ADGRB3: variants seen among roughly 807,000 people sequenced by gnomAD.
ADGRB3 encodes brain-specific angiogenesis inhibitor 3.
In ADGRB3, 37 loss-of-function variants were observed where a neutral mutation model predicts 193.4. The observed-to-expected ratio is 0.19, with a 90% CI of 0.15 to 0.25. ADGRB3 has a LOEUF of 0.25. ADGRB3 is among the 10% of genes least tolerant of loss of function. ADGRB3 has a pLI of 1.00. For missense variants in ADGRB3, 1,637 were observed against 1,852.9 expected (o/e 0.88, Z 2.14); for synonymous variants, 690 against 644.2 (o/e 1.07, Z -1.08).
Position 68,953,362 on chromosome 6 carries a change from G to A in ADGRB3, c.1196-2662G>A, listed in dbSNP as rs903819599. ...TTAATGTGCTGCTTTCTTTCTGAAT[G>A]TTCTCAATAATGTGGATAACTGTAC... On this transcript the variant is annotated intron_variant, in intron 6 of 31. Transcript: ENST00000370598. 3.9e-5 allele frequency among the ~76,000 whole-genome samples: 6 copies of A among 152,248 alleles called. No individual in the cohort carries two copies. The South Asian group carries it at 1.2e-3, about 32-fold the overall frequency.
At chr6:68,702,279 T>G (rs1358041064) in intron 3 of ADGRB3, among the ~76,000 whole-genome samples, 1 of 151,810 alleles carries the variant, frequency 6.6e-6, no homozygotes, top group East Asian at 1.9e-4. Context: ...ATCTCATAAG[T>G]CACTCACTTT....
chr6:69,210,500 G>C (rs1169559613), intron 17 of ADGRB3, among the ~76,000 whole-genome samples: 2 of 152,028 alleles, frequency 1.3e-5, no homozygotes, highest in Non-Finnish European at 2.9e-5. Context: ...GACACATCCA[G>C]GATCACTACT....
chr6:68,961,977 G>C (rs1422365406), intron 8 of ADGRB3, among the ~76,000 whole-genome samples: 1 of 152,128 alleles, frequency 6.6e-6, no homozygotes, highest in Non-Finnish European at 1.5e-5. Flanking sequence ...AAAGGTTAAA[G>C]CAAGTTTTGA....
At chr6:69,359,763 G>A (rs1351384392) in intron 28 of ADGRB3, among the ~76,000 whole-genome samples, 2 of 152,014 alleles carry the variant, frequency 1.3e-5, no homozygotes, top group South Asian at 4.1e-4. Context: ...TTTAAATGAT[G>A]ATTGCTCTAC....
At position 68,730,686 on chromosome 6, in the gene ADGRB3, G is replaced by A. The variant is rs114181394; in HGVS notation, c.757+91254G>A. ...AGCAGAATAAAAGGAAACCAAAGAC[G>A]GTAAAACTCAAGAGTCAATTCCATA... On this transcript the variant is annotated intron_variant, in intron 3 of 31. Transcript: ENST00000370598. Among the ~76,000 whole-genome samples the A allele has an allele frequency of 2.9e-3, 437 of 151,556 alleles. 3 individuals carry two copies. The highest frequency in any genetic ancestry group is 0.01 in the African/African-American group (421 of 41,422).
chr6:69,314,890 G>A (rs1768279891), intron 20 of ADGRB3, among the ~76,000 whole-genome samples: 1 of 151,378 alleles, frequency 6.6e-6, no homozygotes, highest in Admixed American at 6.6e-5. Context: ...ATGCCTATTG[G>A]TTTTAGTGAC....
intron 13 of ADGRB3, among the ~76,000 whole-genome samples, chr6:69,035,349 T>C (rs1438956868): frequency 8.8e-6 from 1 of 113,732 alleles, no homozygotes; most frequent in Non-Finnish European, 1.8e-5. Flanking sequence ...ATAGGACCTA[T>C]GGGTTTTTTG....
intron 15 of ADGRB3, among the ~76,000 whole-genome samples, chr6:69,061,335 T>G (rs1771744171): frequency 6.6e-6 from 1 of 151,928 alleles, no homozygotes; most frequent in East Asian, 1.9e-4. Flanking sequence ...TCCGCATTTT[T>G]TTCTGATGAA....
At chr6:69,238,462 G>A (rs1766318098) in intron 19 of ADGRB3, among the ~76,000 whole-genome samples, 1 of 151,954 alleles carries the variant, frequency 6.6e-6, no homozygotes, top group Admixed American at 6.6e-5. Flanking sequence ...GGTAAAATAT[G>A]GCAGATGTCA....
rs754898402 is a variant in ADGRB3 at position 69,063,051 on chromosome 6, C to T, written c.2436+15C>T. The T allele has an allele frequency of 3.2e-6, 5 of 1,569,080 alleles. No individual in the cohort carries two copies. In the South Asian group the frequency reaches 3.3e-5, roughly 10 times the overall value. On this transcript the variant is annotated intron_variant, in intron 16 of 31. Coordinates refer to ENST00000370598, the MANE Select transcript of ADGRB3 (RefSeq NM_001704.3). ...ATTTGGCTAATGTAAGTACCATCCA[C>T]TGGGCACTGACTTGCTTATGGAATT...
At chr6:68,876,716 G>A (rs1221516290) in intron 3 of ADGRB3, among the ~76,000 whole-genome samples, 1 of 152,104 alleles carries the variant, frequency 6.6e-6, no homozygotes, top group Non-Finnish European at 1.5e-5. Context: ...AATTCATTAA[G>A]TAAACAGTTA....
At chr6:69,210,151 T>TATATATATATATATATATATATATATAC (rs1429577666) in intron 17 of ADGRB3, among the ~76,000 whole-genome samples, 2 of 112,224 alleles carry the variant, frequency 1.8e-5, no homozygotes, top group Non-Finnish European at 3.6e-5. Context: ...ATATATATCA[T>TATATATATATATATATATATATATATAC]ATATATATAT....
intron 13 of ADGRB3, among the ~76,000 whole-genome samples, chr6:69,047,299 C>T (rs1020261503): frequency 6.6e-6 from 1 of 151,882 alleles, no homozygotes; most frequent in Non-Finnish European, 1.5e-5. Flanking sequence ...ACAAATTACA[C>T]TTCATTATTG....
intron 3 of ADGRB3, among the ~76,000 whole-genome samples, chr6:68,854,938 G>A (rs547423): frequency 0.21 from 32,628 of 151,872 alleles, 4,049 homozygotes; most frequent in East Asian, 0.58. Flanking sequence ...TACTACTGCT[G>A]CTTAATCCTG....
chr6:68,753,128 T>C (rs1314857037), intron 3 of ADGRB3, among the ~76,000 whole-genome samples: 1 of 152,170 alleles, frequency 6.6e-6, no homozygotes, highest in African/African-American at 2.4e-5. Flanking sequence ...CCCTAGGCGA[T>C]AGGGATAGTG....
intron 11 of ADGRB3, among the ~76,000 whole-genome samples, chr6:69,012,005 C>A (rs1195600470): frequency 6.6e-6 from 1 of 152,026 alleles, no homozygotes; most frequent in Non-Finnish European, 1.5e-5. Context: ...AAGAATAGTA[C>A]AAAATGCTAT....
At chr6:68,717,173 A>G (rs1220953860) in intron 3 of ADGRB3, among the ~76,000 whole-genome samples, 1 of 151,726 alleles carries the variant, frequency 6.6e-6, no homozygotes, top group East Asian at 1.9e-4. Flanking sequence ...AGTAAAGGCC[A>G]GTTTTTAAGG....
rs1253901296 is a variant in ADGRB3 at position 69,138,732 on chromosome 6, A to G, written c.2480+62694A>G. ...AGTTTATAAAATGCTAGGTTAATGAATTATAATGAGAAATAAGAGTATTTC... is the reference window on the plus strand; with the variant it reads ...AGTTTATAAAATGCTAGGTTAATGAGTTATAATGAGAAATAAGAGTATTTC... On this transcript the variant is annotated intron_variant, in intron 17 of 31. Coordinates refer to ENST00000370598, the MANE Select transcript of ADGRB3 (RefSeq NM_001704.3). Among the ~76,000 whole-genome samples the G allele has an allele frequency of 4.6e-5, 7 of 152,322 alleles. No homozygotes were observed. The South Asian group carries it at 6.2e-4, about 14-fold the overall frequency.
chr6:69,091,401 A>G (rs1448844730), intron 17 of ADGRB3, among the ~76,000 whole-genome samples: 2 of 152,216 alleles, frequency 1.3e-5, no homozygotes, highest in African/African-American at 4.8e-5. Context: ...AGTGCCCATC[A>G]GTGATAGACT....
Sources: gnomAD v4.1 joint callset for allele counts (sites outside exome capture counted in the v4.1 genomes callset) on GRCh38, gnomAD v4.1.1 for gene constraint, MANE v1.5 for transcripts, NCBI Gene and HGNC (gene_info 2026-07-23, HGNC 2026-07-21) for gene names.